The following CEP95 variants were observed in gnomAD, a reference collection of about 807,000 sequenced individuals.
CEP95 encodes centrosomal protein of 95 kDa.
In CEP95, 98 loss-of-function variants were observed where a neutral mutation model predicts 111.2. That is an observed-to-expected ratio of 0.88 (90% CI 0.75 to 1.04). CEP95 has a LOEUF of 1.04. Among genes scored for constraint, CEP95 ranks in the 50% least tolerant of loss-of-function variants. The pLI is 0.00. For synonymous variants in CEP95, 323 were observed against 327.1 expected, an observed-to-expected ratio of 0.99 and a Z score of 0.14; for missense variants, 1,027 against 977.2, an observed-to-expected ratio of 1.05 and a Z score of -0.68.
intron 1 of CEP95, 155 bp downstream of exon 1, chr17:64,507,271 A>G (rs2038599870): frequency 7.4e-6 from 11 of 1,487,180 alleles, no homozygotes; most frequent in Non-Finnish European, 9.9e-6. Context: ...AGGGTCTCTC[A>G]GCTTCACCAC....
rs548552232 is a variant in CEP95, at chr17:64,534,398, A to G, written c.1918-187A>G. 2.7e-5 allele frequency: 15 copies of G among 554,992 alleles called. 1 individual carries two copies. In the South Asian group the frequency reaches 2.9e-4, roughly 11 times the overall value. The allele number at this position is 554,992 out of a possible 1,614,324, so 34.4% of individuals were successfully genotyped here. ...CTGCCCTCTGCTGCAGTGGGGTGTTATTGGAGCTGCTCTTCAGATTGAGGT... is the reference window on the plus strand; with the variant it reads ...CTGCCCTCTGCTGCAGTGGGGTGTTGTTGGAGCTGCTCTTCAGATTGAGGT... On this transcript the variant is annotated intron_variant, in intron 16 of 19. Coordinates refer to ENST00000556440, the MANE Select transcript of CEP95 (RefSeq NM_138363.3).
chr17:64,519,390 C>T lies in CEP95; in HGVS notation c.543C>T (p.Ile181=). The change falls in exon 6 of 20, where the codon ATC becomes ATT. Residue 181 remains isoleucine, a synonymous_variant. Transcript: ENST00000556440. ...ATGAAGCAGAATCCACTGGTGAAAT[C>T]ATTAGACTTGGAGACACAGCACACA... ...DGDEAESTGE[I]IRLGDTAHTF... 1.9e-6 allele frequency: 3 copies of T among 1,613,820 alleles called. No individual in the cohort carries two copies. Among genetic ancestry groups the T allele is most frequent in the Non-Finnish European group, 2.5e-6 (3 of 1,179,750 alleles).
chr17:64,531,094 G>C, intron 13 of CEP95, 76 bp downstream of exon 13: 1 of 837,324 alleles, frequency 1.2e-6, no homozygotes, highest in African/African-American at 1.8e-5. Flanking sequence ...CTTTTTAAAA[G>C]AAGAAGGGGC....
At chr17:64,520,841 A>G (rs148050755) in intron 6 of CEP95, among the ~76,000 whole-genome samples, 2 of 152,148 alleles carry the variant, frequency 1.3e-5, no homozygotes, top group Non-Finnish European at 2.9e-5. Context: ...TCTGGCATCT[A>G]TTTTTCTAAA....
At chr17:64,514,473 C>T (rs186671642) in intron 4 of CEP95, 115 bp downstream of exon 4, 2 of 566,618 alleles carry the variant, frequency 3.5e-6, no homozygotes, top group African/African-American at 1.9e-5. Flanking sequence ...TACAGTATAC[C>T]TGATAACCGT....
Position 64,522,685 on chromosome 17 carries a change from T to G in CEP95, c.716-17T>G, listed in dbSNP as rs782777702. 1.9e-6 allele frequency: 3 copies of G among 1,599,828 alleles called. No homozygotes were observed. The highest frequency in any genetic ancestry group is 2.6e-6 in the Non-Finnish European group (3 of 1,170,126). ...TTAGAATTGCATCGTAATATCCACT[T>G]TAATTTGTCTTACTAGCGGAAACCC... On this transcript the variant is annotated splice_polypyrimidine_tract_variant and intron_variant, in intron 7 of 19. Transcript: ENST00000556440.
intron 5 of CEP95, among the ~76,000 whole-genome samples, chr17:64,518,270 A>T (rs1967029428): frequency 6.6e-6 from 1 of 152,210 alleles, no homozygotes; most frequent in African/African-American, 2.4e-5. Context: ...CCTCTAAAGT[A>T]GAGAGTTTTT....
chr17:64,526,449 C>T (rs1490917072), intron 10 of CEP95, among the ~76,000 whole-genome samples: 2 of 152,104 alleles, frequency 1.3e-5, no homozygotes, highest in East Asian at 1.9e-4. Flanking sequence ...TTAACATAAA[C>T]GATTATGTTA....
At chr17:64,512,705 A>C (rs1460956343) in intron 3 of CEP95, among the ~76,000 whole-genome samples, 3 of 152,220 alleles carry the variant, frequency 2.0e-5, no homozygotes, top group Non-Finnish European at 4.4e-5. Flanking sequence ...TTTTGCGAAG[A>C]GAATAAAATA....
At chr17:64,534,992 G>T in intron 17 of CEP95, 1 of 439,098 alleles carries the variant, frequency 2.3e-6, no homozygotes, top group Non-Finnish European at 4.2e-6. Context: ...CACATAACAG[G>T]TACTTCTCCA....
chr17:64,507,759 C>CT (rs1428346684), intron 1 of CEP95: 1 of 985,606 alleles, frequency 1.0e-6, no homozygotes, highest in Non-Finnish European at 1.2e-6. Flanking sequence ...AAAATACACT[C>CT]TCATTCGTTT....
chr17:64,531,763 G>C, intron 13 of CEP95, 127 bp from the exon 14 acceptor site: 1 of 616,994 alleles, frequency 1.6e-6, no homozygotes, highest in Non-Finnish European at 2.6e-6. Context: ...AGGTGGTTTG[G>C]CTTACTGTTA....
At chr17:64,522,988 G>T in intron 8 of CEP95, 93 bp downstream of exon 8, 1 of 926,268 alleles carries the variant, frequency 1.1e-6, no homozygotes, top group Non-Finnish European at 1.6e-6. Flanking sequence ...CCGTGTGTGT[G>T]TATGTGTATT....
chr17:64,511,926 C>A (rs2038920052), intron 3 of CEP95, among the ~76,000 whole-genome samples: 1 of 152,250 alleles, frequency 6.6e-6, no homozygotes, highest in African/African-American at 2.4e-5. Flanking sequence ...TGACTTCTCG[C>A]AACACCTGGC....
In CEP95 at chr17:64,508,120, C is replaced by T. The variant is rs570084710; in HGVS notation, c.20-472C>T. ...GTTTAATCACCACTTTTTCCGGCAC[C>T]AGAGAAACCCTGACTTGCACAAGAT... On this transcript the variant is annotated intron_variant, in intron 1 of 19. Coordinates refer to ENST00000556440, the MANE Select transcript of CEP95 (RefSeq NM_138363.3). 4.1e-6 allele frequency: 4 copies of T among 985,404 alleles called. No homozygotes were observed. The African/African-American group carries it at 7.0e-5, about 17-fold the overall frequency. The allele number at this position is 985,404 out of a possible 1,614,324, so 61.0% of individuals were successfully genotyped here. A position where few individuals can be genotyped will look rare whatever the true frequency, so the allele number is the denominator to read the frequency against.
chr17:64,516,350 G>A (rs950654449), intron 4 of CEP95, among the ~76,000 whole-genome samples: 1 of 152,164 alleles, frequency 6.6e-6, no homozygotes, highest in African/African-American at 2.4e-5. Flanking sequence ...CTCAGCCTAA[G>A]GCATGATTAT....
Position 64,529,300 on chromosome 17 carries a change from G to A in CEP95, c.1319G>A (p.Arg440His), listed in dbSNP as rs782266733. 4.4e-5 allele frequency: 71 copies of A among 1,612,442 alleles called. No homozygotes were observed. The highest frequency in any genetic ancestry group is 1.7e-4 in the Middle Eastern group (1 of 6,058). Residue 440 changes from arginine (R) to histidine (H), a missense_variant, in exon 12 of 20, where the codon CGT becomes CAT. By Grantham distance (29) the Arg-to-His change is conservative (BLOSUM62 0). Coordinates refer to ENST00000556440, the MANE Select transcript of CEP95 (RefSeq NM_138363.3). ...PKKSRPGLSM[R>H]RKPPYRSHSL... is the part of the protein sequence containing the mutation. ...TTCTCTGTTGCAGGACTTTCCATGC[G>A]TAGAAAGCCACCCTACAGATCCCAT...
At chr17:64,522,046 T>A (rs1967384186) in intron 7 of CEP95, among the ~76,000 whole-genome samples, 1 of 151,912 alleles carries the variant, frequency 6.6e-6, no homozygotes, top group Admixed American at 6.6e-5. Context: ...AGAGATGGGG[T>A]TTCACCATGT....
chr17:64,519,495 A>G, intron 6 of CEP95, 59 bp downstream of exon 6: 15 of 1,276,850 alleles, frequency 1.2e-5, no homozygotes, highest in East Asian at 2.3e-5. Context: ...AAAAATGTAA[A>G]TGGTATGTAG....
Sources: allele counts gnomAD v4.1 joint callset (sites outside exome capture counted in the v4.1 genomes callset), GRCh38; gene constraint gnomAD v4.1.1; transcripts MANE v1.5; gene names NCBI Gene and HGNC (gene_info 2026-07-23, HGNC 2026-07-21).